The following TIAM2 variants were observed in gnomAD, a reference collection of about 807,000 sequenced individuals.
TIAM2 encodes the protein rho guanine nucleotide exchange factor TIAM2.
In TIAM2, 80 loss-of-function variants were observed where a neutral mutation model predicts 152.9. The ratio of observed to expected loss-of-function variants is 0.52; its 90% CI spans 0.44 to 0.63. The LOEUF is 0.63. Among genes scored for constraint, TIAM2 ranks in the 30% least tolerant of loss-of-function variants. The pLI is 0.00. For missense variants in TIAM2, 1,965 were observed against 2,120.1 expected, an observed-to-expected ratio of 0.93 and a Z score of 1.44; for synonymous variants, 804 against 838.0, an observed-to-expected ratio of 0.96 and a Z score of 0.70.
intron 16 of TIAM2, among the ~76,000 whole-genome samples, chr6:155,241,935 A>T (rs111464655): frequency 1.5e-3 from 227 of 152,312 alleles, no homozygotes; most frequent in African/African-American, 5.1e-3. Context: ...CCCAAGAGTT[A>T]AGGGCAGAGT....
chr6:155,063,413 G>GTGTGTCCATGT lies in TIAM2; in HGVS notation c.-208-26876_-208-26875insTGTGTCCATGT, dbSNP rs1156881389. On this transcript the variant is annotated intron_variant, in intron 1 of 26. Coordinates refer to ENST00000682666, the MANE Select transcript of TIAM2 (RefSeq NM_012454.4). ...TGGGTATGTGTGTCCATGTAAATATGAACACGTACAATTATGTGTGTATAT... is the reference window on the plus strand; with the variant it reads ...TGGGTATGTGTGTCCATGTAAATATGTGTGTCCATGTAACACGTACAATTATGTGTGTATAT... Among the ~76,000 whole-genome samples, 414 of 152,232 alleles carry GTGTGTCCATGT rather than the reference G, an allele frequency of 2.7e-3. 1 individual carries two copies. Among genetic ancestry groups the GTGTGTCCATGT allele is most frequent in the African/African-American group, 9.5e-3 (394 of 41,534 alleles).
chr6:154,999,695 C>T (rs180892838), intron 1 of TIAM2, among the ~76,000 whole-genome samples: 46 of 151,650 alleles, frequency 3.0e-4, no homozygotes, highest in African/African-American at 8.0e-4. Context: ...TTTTTTGAGA[C>T]GGAGTCTCAC....
At chr6:155,140,593 A>T (rs1266301062) in intron 5 of TIAM2, among the ~76,000 whole-genome samples, 6 of 150,992 alleles carry the variant, frequency 4.0e-5, no homozygotes, top group South Asian at 4.2e-4. Flanking sequence ...AGAGAGAGAG[A>T]GAGAGAGAGA....
intron 7 of TIAM2, among the ~76,000 whole-genome samples, 189 bp downstream of exon 7, chr6:155,148,523 A>T (rs1341931635): frequency 6.6e-6 from 1 of 152,154 alleles, no homozygotes; most frequent in Admixed American, 6.5e-5. Context: ...GACATGGGTG[A>T]TATGATATGC....
At chr6:155,131,735 A>G (rs1360085043) in intron 4 of TIAM2, among the ~76,000 whole-genome samples, 1 of 151,932 alleles carries the variant, frequency 6.6e-6, no homozygotes, top group African/African-American at 2.4e-5. Context: ...GTGCACCACC[A>G]TGCCTGGCTA....
At chr6:155,029,159 G>T (rs1457607363) in intron 1 of TIAM2, among the ~76,000 whole-genome samples, 2 of 109,892 alleles carry the variant, frequency 1.8e-5, no homozygotes, top group African/African-American at 6.6e-5. Flanking sequence ...TGTACTATGT[G>T]TTATATACAC....
chr6:155,151,564 G>T (rs1779970483), intron 7 of TIAM2, among the ~76,000 whole-genome samples: 2 of 152,216 alleles, frequency 1.3e-5, no homozygotes, highest in Non-Finnish European at 2.9e-5. Flanking sequence ...GCAAGGCTCA[G>T]ATGGTAAGGT....
At chr6:155,252,853 C>G (rs1583291940) in intron 23 of TIAM2, 95 bp from the exon 24 acceptor site, 1 of 1,162,714 alleles carries the variant, frequency 8.6e-7, no homozygotes, top group East Asian at 2.4e-5. Context: ...GGAGACTCGC[C>G]CACAGGGAGA....
At chr6:155,028,908 CTA>C (rs1479652083) in intron 1 of TIAM2, among the ~76,000 whole-genome samples, 2 of 110,426 alleles carry the variant, frequency 1.8e-5, no homozygotes, top group African/African-American at 3.8e-5. Flanking sequence ...ACTATCTATA[CTA>C]TGTTATATAT....
chr6:154,995,910 G>A lies in TIAM2; in HGVS notation c.-209+418G>A, dbSNP rs559411830. Among the ~76,000 whole-genome samples the A allele has an allele frequency of 7.0e-4, 107 of 152,294 alleles. No homozygotes were observed. The highest frequency in any genetic ancestry group is 2.4e-3 in the African/African-American group (98 of 41,580). ...CGTGGGTGCCCGGAGGGGAGCGCCC[G>A]CTGCGCCCACGCCCGCCCGGCGACC... is the stretch of plus-strand genomic sequence containing the variant. On this transcript the variant is annotated intron_variant, in intron 1 of 26. Transcript: ENST00000682666. This position sits in a 1 kb window ranked among gnomAD's most constrained non-coding sequence, Gnocchi z 5.2.
chr6:155,125,831 C>T (rs962456956), intron 2 of TIAM2, among the ~76,000 whole-genome samples: 6 of 151,528 alleles, frequency 4.0e-5, no homozygotes, highest in African/African-American at 1.5e-4. Flanking sequence ...GAGCAAGACT[C>T]TGTCTCCAAA....
chr6:155,123,826 C>A (rs554046736), intron 2 of TIAM2, among the ~76,000 whole-genome samples: 6 of 152,292 alleles, frequency 3.9e-5, no homozygotes, highest in African/African-American at 1.4e-4. Flanking sequence ...AGTGTCTTCG[C>A]TGGACCTTGG....
chr6:155,128,399 G>C (rs1186068251), intron 3 of TIAM2, among the ~76,000 whole-genome samples: 1 of 152,066 alleles, frequency 6.6e-6, no homozygotes, highest in African/African-American at 2.4e-5. Flanking sequence ...CTGGTGTCAT[G>C]TTATAAAAAT....
intron 1 of TIAM2, among the ~76,000 whole-genome samples, chr6:155,035,666 G>A (rs1299625190): frequency 3.9e-5 from 6 of 152,142 alleles, no homozygotes; most frequent in African/African-American, 1.4e-4. Context: ...TCCATGATTA[G>A]GAAAATTAAA....
chr6:155,028,520 AAT>A (rs1260527900), intron 1 of TIAM2, among the ~76,000 whole-genome samples: 6 of 132,438 alleles, frequency 4.5e-5, no homozygotes, highest in East Asian at 2.1e-4. Context: ...TACTACATAT[AAT>A]ATATATACTG....
At chr6:155,160,337 C>T (rs1037154819) in intron 7 of TIAM2, among the ~76,000 whole-genome samples, 1 of 152,124 alleles carries the variant, frequency 6.6e-6, no homozygotes, top group Non-Finnish European at 1.5e-5. Context: ...GGGTGTCAGC[C>T]TTTTTGTCCT....
chr6:155,148,022 T>A (rs1207408989), intron 6 of TIAM2, 88 bp from the exon 7 acceptor site: 1 of 1,346,580 alleles, frequency 7.4e-7, no homozygotes, highest in African/African-American at 1.4e-5. Context: ...CTTCTTGGGT[T>A]TTGTACATCT....
At chr6:155,140,012 G>A (rs753216477) in intron 5 of TIAM2, among the ~76,000 whole-genome samples, 3 of 152,186 alleles carry the variant, frequency 2.0e-5, no homozygotes, top group African/African-American at 4.8e-5. Flanking sequence ...TAATTTGCAG[G>A]CCATGTGTTT....
rs1414862542 is a variant in TIAM2 at position 155,199,824 on chromosome 6, TCAATATA to T, written c.3065-11379_3065-11373del. Among the ~76,000 whole-genome samples, 6 of 152,344 alleles carry T rather than the reference TCAATATA, an allele frequency of 3.9e-5. No homozygotes were observed. In the South Asian group the frequency reaches 1.2e-3, roughly 32 times the overall value. On this transcript the variant is annotated intron_variant, in intron 14 of 26. Transcript: ENST00000682666. ...GGCTTCCTAATAATAGCAGGCTGTC[TCAATATA>T]AAGTTCACAAAGAACCTTAAAAACA...
Sources: gnomAD v4.1 joint callset for allele counts (sites outside exome capture counted in the v4.1 genomes callset) on GRCh38, gnomAD v4.1.1 for gene constraint, Gnocchi (gnomAD v3.1) non-coding constraint, MANE v1.5 for transcripts, NCBI Gene and HGNC (gene_info 2026-07-23, HGNC 2026-07-21) for gene names.